VAV2: variants seen among roughly 807,000 people sequenced by gnomAD.
VAV2 encodes the protein vav guanine nucleotide exchange factor 2, also known as guanine nucleotide exchange factor VAV2.
VAV2 carries 67 observed loss-of-function variants against 132.5 expected under a neutral mutation model. That is an observed-to-expected ratio of 0.51 (90% CI 0.42 to 0.62). VAV2 has a LOEUF of 0.62. VAV2 is among the 20% of genes least tolerant of loss of function. The pLI is 0.00. For synonymous variants in VAV2, 492 were observed against 443.5 expected (o/e 1.11, Z -1.37); for missense variants, 938 against 1,153.6 (o/e 0.81, Z 2.71).
intron 2 of VAV2, among the ~76,000 whole-genome samples, chr9:133,923,585 A>C (rs1840370221): frequency 6.6e-6 from 1 of 152,210 alleles, no homozygotes; most frequent in Admixed American, 6.5e-5. Flanking sequence ...GACTGTGGCG[A>C]TTCCTCAAGG....
chr9:133,805,025 G>A (rs1835079395), intron 9 of VAV2, among the ~76,000 whole-genome samples: 1 of 152,126 alleles, frequency 6.6e-6, no homozygotes, highest in Non-Finnish European at 1.5e-5. Flanking sequence ...AGCACACAGG[G>A]AAGCACCTGC....
intron 5 of VAV2, among the ~76,000 whole-genome samples, chr9:133,810,900 G>A (rs1476771947): frequency 2.0e-5 from 3 of 152,208 alleles, no homozygotes; most frequent in Non-Finnish European, 2.9e-5. Context: ...CCTGCAGGAC[G>A]CCCAGCTTTC....
Position 133,809,149 on chromosome 9 carries a change from G to A in VAV2, c.568-11C>T, listed in dbSNP as rs201133558. 1 of 1,613,132 alleles carries A rather than the reference G, an allele frequency of 6.2e-7. No individual in the cohort carries two copies. The highest frequency in any genetic ancestry group is 2.2e-5 in the East Asian group (1 of 44,870). ...AGTCATGCCCATTTTCTAGAGGAGG[G>A]AAGGGGGAGTCAGCAGGACCCCATG... On this transcript the variant is annotated splice_polypyrimidine_tract_variant and intron_variant, in intron 6 of 29. Coordinates refer to ENST00000371850, the MANE Select transcript of VAV2 (RefSeq NM_001134398.2).
At chr9:133,807,432 G>T in intron 7 of VAV2, 106 bp from the exon 8 acceptor site, 1 of 1,158,728 alleles carries the variant, frequency 8.6e-7, no homozygotes, top group Non-Finnish European at 1.2e-6. Flanking sequence ...CAGGCACTGG[G>T]GTGCTCCATG....
chr9:133,907,153 G>T (rs1839687667), intron 2 of VAV2, among the ~76,000 whole-genome samples: 2 of 152,240 alleles, frequency 1.3e-5, no homozygotes, highest in Non-Finnish European at 2.9e-5. Flanking sequence ...AGTGACGACA[G>T]GGAGATGGCT....
chr9:133,964,022 CATAT>C (rs10541639), intron 1 of VAV2, among the ~76,000 whole-genome samples: 1,762 of 93,816 alleles, frequency 0.019, 62 homozygotes, highest in African/African-American at 0.063. Flanking sequence ...ATTATTCATT[CATAT>C]ATATATATAT....
chr9:133,924,213 C>T (rs1368856645), intron 2 of VAV2, among the ~76,000 whole-genome samples: 1 of 152,094 alleles, frequency 6.6e-6, no homozygotes, highest in Non-Finnish European at 1.5e-5. Context: ...GAGACAGTCT[C>T]GCTCTGTTGC....
At position 133,939,283 on chromosome 9, in the gene VAV2, C is replaced by A. The variant is rs1230254611; in HGVS notation, c.205-64G>T. 2.8e-6 allele frequency: 4 copies of A among 1,420,330 alleles called. No individual in the cohort carries two copies. The African/African-American group carries it at 4.2e-5, about 15-fold the overall frequency. The allele number at this position is 1,420,330 out of a possible 1,614,324, so 88.0% of individuals were successfully genotyped here. On this transcript the variant is annotated intron_variant, in intron 1 of 29. Coordinates refer to ENST00000371850, the MANE Select transcript of VAV2 (RefSeq NM_001134398.2). ...ATTAAAACTGTAAGCTCTGTAAAAA[C>A]CGTAACAGCAACAGCAGCAAGCTCT...
At chr9:133,978,193 G>A (rs554606311) in intron 1 of VAV2, among the ~76,000 whole-genome samples, 1 of 152,334 alleles carries the variant, frequency 6.6e-6, no homozygotes, top group African/African-American at 2.4e-5. Flanking sequence ...CCGGCCAGAG[G>A]ATGCTGGTCC....
In VAV2 at chr9:133,802,430, A is replaced by C. The variant is rs1834970846; in HGVS notation, c.836+3651T>G. ...CCCCTCCCCCGCCCCACTCCGGCTG[A>C]CTCCTCCCCTGGAGAAAGTTGTTCA... On this transcript the variant is annotated intron_variant, in intron 9 of 29. Coordinates refer to ENST00000371850, the MANE Select transcript of VAV2 (RefSeq NM_001134398.2). The surrounding 1 kb of genome is among the most constrained non-coding windows in gnomAD (Gnocchi z 5.8). 8.6e-6 allele frequency among the ~76,000 whole-genome samples: 1 copy of C among 116,202 alleles called. No individual in the cohort carries two copies. Among genetic ancestry groups the C allele is most frequent in the African/African-American group, 3.1e-5 (1 of 32,642 alleles). 76.2% of individuals were successfully genotyped at this position (116,202 alleles called of 152,430 possible). A position where few individuals can be genotyped will look rare whatever the true frequency, so the allele number is the denominator to read the frequency against.
intron 9 of VAV2, among the ~76,000 whole-genome samples, chr9:133,800,284 GC>G (rs1417673288): frequency 6.6e-5 from 10 of 152,322 alleles, no homozygotes; most frequent in Admixed American, 5.9e-4. Flanking sequence ...TTTGAAAAGT[GC>G]CCCTGACCTG....
At position 133,945,414 on chromosome 9, in the gene VAV2, ATAAC is replaced by A. The variant is rs1267959619; in HGVS notation, c.205-6199_205-6196del. On this transcript the variant is annotated intron_variant, in intron 1 of 29. Transcript: ENST00000371850. The stretch of plus-strand genomic sequence containing the variant: ...GGCTGACCTGATTGATCGGCACATA[ATAAC>A]TAACTAGCACGCATGCGCCATTTCA... 3.9e-5 allele frequency among the ~76,000 whole-genome samples: 6 copies of A among 152,308 alleles called. No homozygotes were observed. In the South Asian group the frequency reaches 6.2e-4, roughly 16 times the overall value.
chr9:133,809,833 T>G (rs1835292821), intron 6 of VAV2, among the ~76,000 whole-genome samples: 2 of 152,196 alleles, frequency 1.3e-5, no homozygotes, highest in African/African-American at 4.8e-5. Context: ...TTCCCAACAC[T>G]GTCTTTAAGG....
intron 1 of VAV2, among the ~76,000 whole-genome samples, chr9:133,940,360 G>A (rs1841093501): frequency 6.6e-6 from 1 of 152,188 alleles, no homozygotes; most frequent in African/African-American, 2.4e-5. Context: ...AAACTGCCCA[G>A]CTCCAAGAGC....
In VAV2 at chr9:133,948,995, C is replaced by G. The variant is rs568483233; in HGVS notation, c.205-9776G>C. ...AACCTGGGAGGAGGGAGGGTCCCGG[C>G]TGGCTTGCGTGAAGGCAGAGCTAGC... On this transcript the variant is annotated intron_variant, in intron 1 of 29. Coordinates refer to ENST00000371850, the MANE Select transcript of VAV2 (RefSeq NM_001134398.2). Among the ~76,000 whole-genome samples, 728 of 152,308 alleles carry G rather than the reference C, an allele frequency of 4.8e-3. 7 individuals carry two copies. The highest frequency in any genetic ancestry group is 0.017 in the African/African-American group (700 of 41,570).
chr9:133,890,331 G>A (rs1838882337), intron 2 of VAV2, among the ~76,000 whole-genome samples: 1 of 152,240 alleles, frequency 6.6e-6, no homozygotes, highest in Admixed American at 6.5e-5. Flanking sequence ...GTCTCACGCA[G>A]GCCGTGGGGC....
In VAV2 at chr9:133,992,197, C is replaced by T; in HGVS notation, c.82G>A (p.Ala28Thr). The change falls in exon 1 of 30, where the codon GCC (alanine) becomes ACC (threonine). Residue 28 changes from alanine (A) to threonine (T), a missense_variant. Ala to Thr is a moderately conservative substitution (Grantham distance 58). Transcript: ENST00000371850. The surrounding 1 kb of genome is among the most constrained non-coding windows in gnomAD (Gnocchi z 5.5). ...GCCTGCGCCAGGTCGAAGACCACGG[C>T]CGAGGGCCACACCACCCGGTGGTTG... ...PPNHRVVWPS[A>T]VVFDLAQALR... 6.3e-7 allele frequency: 1 copy of T among 1,597,964 alleles called. No individual in the cohort carries two copies. Among genetic ancestry groups the T allele is most frequent in the Non-Finnish European group, 8.5e-7 (1 of 1,172,580 alleles).
chr9:133,936,665 C>G (rs2132126584), intron 2 of VAV2, among the ~76,000 whole-genome samples: 1 of 152,308 alleles, frequency 6.6e-6, no homozygotes, highest in East Asian at 1.9e-4. Flanking sequence ...GCAACCTGCA[C>G]TTCACAAACA....
At chr9:133,877,846 G>GT (rs150518810) in intron 2 of VAV2, among the ~76,000 whole-genome samples, 6,340 of 152,284 alleles carry the variant, frequency 0.042, 426 homozygotes, top group African/African-American at 0.15. Flanking sequence ...TAACTTTCCA[G>GT]TGTCTACCCT....
Sources: allele counts gnomAD v4.1 joint callset (sites outside exome capture counted in the v4.1 genomes callset), GRCh38; gene constraint gnomAD v4.1.1; non-coding constraint Gnocchi (gnomAD v3.1); transcripts MANE v1.5; gene names NCBI Gene and HGNC (gene_info 2026-07-23, HGNC 2026-07-21).